Variants in LARP1 observed in about 807,000 individuals in gnomAD.
LARP1 encodes the protein la-related protein 1.
A neutral mutation model predicts 122.7 loss-of-function variants in LARP1; 36 were observed. The ratio of observed to expected loss-of-function variants is 0.29; its 90% CI spans 0.22 to 0.39. The LOEUF is 0.39. Among genes scored for constraint, LARP1 ranks in the 10% least tolerant of loss-of-function variants. The pLI is 1.00. For missense variants in LARP1, 1,040 were observed against 1,403.6 expected, an observed-to-expected ratio of 0.74 and a Z score of 4.14; for synonymous variants, 539 against 528.7, an observed-to-expected ratio of 1.02 and a Z score of -0.27.
At chr5:154,779,775 T>A (rs1341296047) in intron 1 of LARP1, among the ~76,000 whole-genome samples, 1 of 152,106 alleles carries the variant, frequency 6.6e-6, no homozygotes, top group Non-Finnish European at 1.5e-5. Flanking sequence ...CCCAAAGTGC[T>A]GAGATTACAG....
intron 8 of LARP1, among the ~76,000 whole-genome samples, chr5:154,798,690 C>G (rs955957946): frequency 1.3e-5 from 2 of 152,256 alleles, no homozygotes; most frequent in Middle Eastern, 6.8e-3. Flanking sequence ...GATAGAGTCT[C>G]GCTATTTTGC....
intron 1 of LARP1, among the ~76,000 whole-genome samples, chr5:154,721,579 T>C (rs1195164046): frequency 6.6e-6 from 1 of 152,124 alleles, no homozygotes; most frequent in East Asian, 1.9e-4. Context: ...TCCTTGTACC[T>C]CTTCCTGCCA....
intron 1 of LARP1, among the ~76,000 whole-genome samples, chr5:154,693,034 C>T (rs539940013): frequency 8.0e-5 from 12 of 150,226 alleles, no homozygotes; most frequent in East Asian, 1.9e-4. Context: ...TATGTTGCCC[C>T]GGCTGTTCTC....
Position 154,802,245 on chromosome 5 carries a change from A to G in LARP1, c.1955A>G (p.Tyr652Cys). 6.2e-7 allele frequency: 1 copy of G among 1,614,200 alleles called. No homozygotes were observed. The highest frequency in any genetic ancestry group is 1.3e-5 in the African/African-American group (1 of 75,056). ...CTCATTGTCACCCAGACACCACATT[A>G]CATGCGCCGGCACCCAGGGGGGGAC... Reference protein sequence around the residue: ...KILIVTQTPHYMRRHPGGDRT... With the variant: ...KILIVTQTPHCMRRHPGGDRT... The change falls in exon 11 of 19, where the codon TAC becomes TGC. Residue 652 changes from tyrosine to cysteine, a missense_variant. By Grantham distance (194) the Tyr-to-Cys change is radical. Transcript: ENST00000518297. This position sits in a 1 kb window ranked among gnomAD's most constrained non-coding sequence, Gnocchi z 5.1.
intron 1 of LARP1, among the ~76,000 whole-genome samples, chr5:154,776,414 GGTAAAGGGAGA>G (rs1391233265): frequency 6.6e-6 from 1 of 152,134 alleles, no homozygotes; most frequent in East Asian, 1.9e-4. Context: ...TAGACTGGTG[GGTAAAGGGAGA>G]GTACCTCCTG....
chr5:154,804,332 T>C, intron 14 of LARP1, 25 bp downstream of exon 14: 1 of 1,555,304 alleles, frequency 6.4e-7, no homozygotes, highest in Non-Finnish European at 8.9e-7. Context: ...GGGGGAAGAG[T>C]GATCAGGCTG....
At chr5:154,811,993 C>G (rs72797597) in intron 18 of LARP1, among the ~76,000 whole-genome samples, 4 of 152,182 alleles carry the variant, frequency 2.6e-5, no homozygotes, top group Admixed American at 1.3e-4. Flanking sequence ...AAAGCCAATT[C>G]CAACCCCAGT....
intron 1 of LARP1, 158 bp downstream of exon 1, chr5:154,756,351 T>C: frequency 3.2e-6 from 3 of 934,326 alleles, no homozygotes; most frequent in South Asian, 3.2e-5. Flanking sequence ...CGCCGCGCCC[T>C]CCCCCCCACC....
chr5:154,746,766 A>G (rs1282478670), intron 1 of LARP1, among the ~76,000 whole-genome samples: 1 of 152,188 alleles, frequency 6.6e-6, no homozygotes, highest in African/African-American at 2.4e-5. Context: ...TGGGAAGCCA[A>G]GGTATGAGAA....
upstream of LARP1, among the ~76,000 whole-genome samples, chr5:154,750,836 T>A (rs1208184959): frequency 6.7e-6 from 1 of 150,358 alleles, no homozygotes; most frequent in African/African-American, 2.5e-5. Flanking sequence ...GGGTCTCAAA[T>A]TCCCGGGCTC....
intron 1 of LARP1, among the ~76,000 whole-genome samples, chr5:154,767,042 C>T (rs1582339905): frequency 6.6e-6 from 1 of 152,200 alleles, no homozygotes; most frequent in Admixed American, 6.5e-5. Context: ...CTTGAAACTG[C>T]TCCCACTACA....
intron 1 of LARP1, among the ~76,000 whole-genome samples, chr5:154,694,421 ATTT>A (rs3060307): frequency 1.1e-4 from 17 of 149,082 alleles, no homozygotes; most frequent in South Asian, 2.1e-4. Context: ...ATACCTGGCC[ATTT>A]TTTTTTTTTT....
chr5:154,744,880 G>A (rs1376214306), intron 1 of LARP1, among the ~76,000 whole-genome samples: 1 of 137,388 alleles, frequency 7.3e-6, no homozygotes, highest in Non-Finnish European at 1.5e-5. Flanking sequence ...CTCGTGATCC[G>A]CCCGCCTCGG....
intron 1 of LARP1, among the ~76,000 whole-genome samples, chr5:154,734,667 TC>T (rs1297481139): frequency 1.3e-5 from 2 of 152,164 alleles, no homozygotes; most frequent in Non-Finnish European, 2.9e-5. Flanking sequence ...TTAAAAAAAT[TC>T]CTTTTCTGGT....
chr5:154,736,610 A>T (rs1756918528), intron 1 of LARP1, among the ~76,000 whole-genome samples: 1 of 150,870 alleles, frequency 6.6e-6, no homozygotes, highest in Non-Finnish European at 1.5e-5. Flanking sequence ...CTGTTGCCCA[A>T]GCTGGAGTGC....
At chr5:154,685,792 GA>G (rs1753908498) in intron 1 of LARP1, 2 of 503,498 alleles carry the variant, frequency 4.0e-6, no homozygotes, top group African/African-American at 4.1e-5. Context: ...GCAACATAGC[GA>G]GACCTCAACT....
At chr5:154,700,050 A>G (rs1754642578) in intron 1 of LARP1, among the ~76,000 whole-genome samples, 1 of 152,220 alleles carries the variant, frequency 6.6e-6, no homozygotes, top group Admixed American at 6.5e-5. Flanking sequence ...CTCTGCCTCC[A>G]GCAAATCTCA....
chr5:154,756,065 G>T lies in LARP1; in HGVS notation c.308G>T (p.Gly103Val). 8.9e-7 allele frequency: 1 copy of T among 1,122,182 alleles called. No individual in the cohort carries two copies. The highest frequency in any genetic ancestry group is 1.9e-5 in the South Asian group (1 of 52,082). The allele number at this position is 1,122,182 out of a possible 1,614,324, so 69.5% of individuals were successfully genotyped here. A position where few individuals can be genotyped will look rare whatever the true frequency, so the allele number is the denominator to read the frequency against. Residue 103 changes from glycine (G) to valine (V), a missense_variant, in exon 1 of 19, where the codon GGA becomes GTA. Around this residue, in one of 8 missense-constraint regions of LARP1, gnomAD observed 257 missense variants for 273.3 expected, o/e 0.94. Coordinates refer to ENST00000518297, the MANE Select transcript of LARP1 (RefSeq NM_033551.3). ...EEGGGEPGAGGGAAGAAGAGR... is the reference protein window; with the variant it reads ...EEGGGEPGAGVGAAGAAGAGR... ...GGCGGCGGCGAGCCAGGCGCTGGCG[G>T]AGGAGCTGCCGGAGCCGCGGGCGCG...
rs1403639703 is a variant in LARP1, at chr5:154,802,637, G to T, written c.2109+238G>T. Among the ~76,000 whole-genome samples the T allele has an allele frequency of 6.6e-6, 1 of 152,202 alleles. No homozygotes were observed. The highest frequency in any genetic ancestry group is 1.5e-5 in the Non-Finnish European group (1 of 68,046). On this transcript the variant is annotated intron_variant, in intron 11 of 18. Coordinates refer to ENST00000518297, the MANE Select transcript of LARP1 (RefSeq NM_033551.3). The surrounding 1 kb of genome is among the most constrained non-coding windows in gnomAD (Gnocchi z 5.1). ...GGTGGTGATTATTATCCTATCTGCG[G>T]ATCCATAGTTAATATTCTGACAGTT...
Sources: allele counts gnomAD v4.1 joint callset (sites outside exome capture counted in the v4.1 genomes callset), GRCh38; gene constraint gnomAD v4.1.1; regional missense constraint gnomAD v4.1.1; non-coding constraint Gnocchi (gnomAD v3.1); transcripts MANE v1.5; gene names NCBI Gene and HGNC (gene_info 2026-07-23, HGNC 2026-07-21).